Variants in MSH4 observed in about 807,000 individuals in gnomAD.
MSH4 encodes the protein mutS homolog 4.
Under a neutral mutation model 113.7 loss-of-function variants are expected in MSH4, and 106 were observed. That is an observed-to-expected ratio of 0.93 (90% CI 0.80 to 1.10). The LOEUF (loss-of-function observed/expected upper bound fraction) is 1.10. Among genes scored for constraint, MSH4 ranks in the 50% least tolerant of loss-of-function variants. The pLI is 0.00. For missense variants in MSH4, 1,061 were observed against 1,093.7 expected (o/e 0.97, Z 0.42); for synonymous variants, 368 against 380.2 (o/e 0.97, Z 0.37).
chr1:75,878,943 A>T (rs749721212), intron 11 of MSH4, 49 bp from the exon 12 acceptor site: 3 of 1,524,310 alleles, frequency 2.0e-6, no homozygotes, highest in African/African-American at 2.8e-5. Context: ...TTCTCATTAA[A>T]ATTTATTCAT....
intron 1 of MSH4, 51 bp from the exon 2 acceptor site, chr1:75,803,679 TC>T (rs1390883140): frequency 7.7e-7 from 1 of 1,299,434 alleles, no homozygotes; most frequent in Non-Finnish European, 1.1e-6. Context: ...GACTAATACA[TC>T]ATTGCATAAT....
At chr1:75,834,848 A>C (rs1176244569) in intron 7 of MSH4, among the ~76,000 whole-genome samples, 1 of 152,160 alleles carries the variant, frequency 6.6e-6, no homozygotes, top group Non-Finnish European at 1.5e-5. Context: ...GGTGCAGCAC[A>C]CCAACATGGC....
rs35936506 is a variant in MSH4 at position 75,882,663 on chromosome 1, T to TAAAAAAA, written c.1907-938_1907-932dup. Among the ~76,000 whole-genome samples, 283 of 123,742 alleles carry TAAAAAAA rather than the reference T, an allele frequency of 2.3e-3. 4 individuals are homozygous for TAAAAAAA. The highest frequency in any genetic ancestry group is 4.4e-3 in the Middle Eastern group (1 of 228). The allele number at this position is 123,742 out of a possible 152,430, so 81.2% of individuals were successfully genotyped here. ...GGGCAACATAGCTAGACCTCATTTCTAAAAAAAAAAAAAAAAAAAAAAAAA... is the reference window on the plus strand; with the variant it reads ...GGGCAACATAGCTAGACCTCATTTCTAAAAAAAAAAAAAAAAAAAAAAAAAAAAAAAA... On this transcript the variant is annotated intron_variant, in intron 14 of 19. Transcript: ENST00000263187.
chr1:75,883,379 T>G (rs1300330830), intron 14 of MSH4, among the ~76,000 whole-genome samples: 1 of 151,832 alleles, frequency 6.6e-6, no homozygotes, highest in Non-Finnish European at 1.5e-5. Flanking sequence ...CTCAGGACAG[T>G]GGTAAAGAAC....
intron 2 of MSH4, among the ~76,000 whole-genome samples, chr1:75,804,867 C>T (rs571536269): frequency 4.6e-5 from 7 of 151,880 alleles, no homozygotes; most frequent in African/African-American, 7.2e-5. Flanking sequence ...CTTGCTCTGT[C>T]GCCCAGGCTG....
At chr1:75,884,089 T>A (rs1651994498) in intron 15 of MSH4, among the ~76,000 whole-genome samples, 1 of 152,182 alleles carries the variant, frequency 6.6e-6, no homozygotes, top group African/African-American at 2.4e-5. Flanking sequence ...CTATTAAAGT[T>A]GCATCAAATA....
chr1:75,878,170 G>T lies in MSH4; in HGVS notation c.1392G>T (p.Lys464Asn), dbSNP rs1410072772. 1.2e-6 allele frequency: 2 copies of T among 1,602,098 alleles called. No homozygotes were observed. Among genetic ancestry groups the T allele is most frequent in the Non-Finnish European group, 1.7e-6 (2 of 1,175,482 alleles). The change falls in exon 11 of 20, where the codon AAG (lysine) becomes AAT (asparagine). Residue 464 changes from lysine (K) to asparagine (N), a missense_variant. By Grantham distance (94) the Lys-to-Asn change is moderately conservative. Coordinates refer to ENST00000263187, the MANE Select transcript of MSH4 (RefSeq NM_002440.4). ...TTAGGTTTGGAATCATACTTGAAAA[G>T]ATTAAAACAGTAATTAATGATGATG... ...EDKRFGIILE[K>N]IKTVINDDAR... is the part of the protein sequence containing the mutation.
chr1:75,797,386 AG>A (rs1649840853), intron 1 of MSH4, among the ~76,000 whole-genome samples, 157 bp downstream of exon 1: 1 of 152,186 alleles, frequency 6.6e-6, no homozygotes, highest in African/African-American at 2.4e-5. Flanking sequence ...CTGGGTGATT[AG>A]AAGCCTTGAC....
At chr1:75,856,535 G>A (rs181253505) in intron 8 of MSH4, among the ~76,000 whole-genome samples, 1 of 152,258 alleles carries the variant, frequency 6.6e-6, no homozygotes, top group African/African-American at 2.4e-5. Context: ...AGAACATGCG[G>A]TGTTTGGTTT....
chr1:75,861,931 C>T (rs1404506964), intron 8 of MSH4, among the ~76,000 whole-genome samples: 2 of 152,132 alleles, frequency 1.3e-5, no homozygotes, highest in Non-Finnish European at 2.9e-5. Flanking sequence ...CCACCTAGCT[C>T]GAGCTTCCCT....
chr1:75,885,047 G>GTATATATATATATATA (rs1223601707), intron 15 of MSH4, among the ~76,000 whole-genome samples: 4 of 108,934 alleles, frequency 3.7e-5, no homozygotes, highest in African/African-American at 1.8e-4. Context: ...GTGTGTGTGT[G>GTATATATATATATATA]TGTGTGTGTG....
At chr1:75,902,675 A>ATGTG (rs1652531178) in intron 19 of MSH4, among the ~76,000 whole-genome samples, 1 of 6,528 alleles carries the variant, frequency 1.5e-4, no homozygotes, top group Non-Finnish European at 4.0e-4. Flanking sequence ...ATGTGTATGT[A>ATGTG]TATATATATA....
chr1:75,832,888 C>A (rs1650735354), intron 7 of MSH4, among the ~76,000 whole-genome samples: 1 of 152,114 alleles, frequency 6.6e-6, no homozygotes, highest in Admixed American at 6.6e-5. Flanking sequence ...ACAGGGATGC[C>A]CTCTCTCACC....
chr1:75,830,375 A>T (rs979790867), intron 7 of MSH4, among the ~76,000 whole-genome samples: 1 of 152,226 alleles, frequency 6.6e-6, no homozygotes, highest in Non-Finnish European at 1.5e-5. Context: ...TCAGGATATT[A>T]TCCAGGAGAA....
At chr1:75,912,092 A>G (rs1217488707) in intron 19 of MSH4, among the ~76,000 whole-genome samples, 4 of 152,098 alleles carry the variant, frequency 2.6e-5, no homozygotes, top group African/African-American at 7.2e-5. Flanking sequence ...GATTTTAAAT[A>G]GCTATTCATA....
chr1:75,830,268 T>A (rs1288182080), intron 7 of MSH4, among the ~76,000 whole-genome samples: 1 of 152,088 alleles, frequency 6.6e-6, no homozygotes, highest in African/African-American at 2.4e-5. Flanking sequence ...GAACAAAGCC[T>A]ACAAGAAATG....
At chr1:75,828,311 A>G (rs543418789) in intron 7 of MSH4, among the ~76,000 whole-genome samples, 2 of 152,314 alleles carry the variant, frequency 1.3e-5, no homozygotes, top group Non-Finnish European at 2.9e-5. Context: ...TACTGGATAT[A>G]TACCCAAACA....
At chr1:75,899,411 T>A (rs1437942273) in intron 18 of MSH4, among the ~76,000 whole-genome samples, 1 of 152,198 alleles carries the variant, frequency 6.6e-6, no homozygotes, top group Non-Finnish European at 1.5e-5. Flanking sequence ...TTGCCCTATG[T>A]GTCTTGGATA....
At chr1:75,868,639 G>C (rs1225027597) in intron 9 of MSH4, among the ~76,000 whole-genome samples, 1 of 152,186 alleles carries the variant, frequency 6.6e-6, no homozygotes, top group African/African-American at 2.4e-5. Context: ...CACATTTCAA[G>C]GGCGGGGACT....
Sources: gnomAD v4.1 joint callset for allele counts (sites outside exome capture counted in the v4.1 genomes callset) on GRCh38, gnomAD v4.1.1 for gene constraint, MANE v1.5 for transcripts, NCBI Gene and HGNC (gene_info 2026-07-23, HGNC 2026-07-21) for gene names.